The following DYNC1I1 variants were observed in gnomAD, a reference collection of about 807,000 sequenced individuals.
DYNC1I1 encodes dynein cytoplasmic 1 intermediate chain 1.
DYNC1I1 carries 43 observed loss-of-function variants against 86.6 expected under a neutral mutation model. The observed-to-expected ratio is 0.50, with a 90% CI of 0.39 to 0.64. The LOEUF (loss-of-function observed/expected upper bound fraction) is 0.64. Ranked by LOEUF, DYNC1I1 falls within the 30% of genes least tolerant of loss-of-function variation. The pLI, the probability that DYNC1I1 is intolerant of heterozygous loss-of-function variation, is 0.00. For missense variants in DYNC1I1, 604 were observed against 788.8 expected (o/e 0.77, Z 2.81); for synonymous variants, 262 against 283.7 (o/e 0.92, Z 0.77).
intron 14 of DYNC1I1, among the ~76,000 whole-genome samples, chr7:96,052,041 G>C (rs1789418680): frequency 6.6e-6 from 1 of 152,146 alleles, no homozygotes; most frequent in African/African-American, 2.4e-5. Context: ...TGAGCTCCTT[G>C]AGAGTAAGTC....
chr7:96,000,584 CTTCTT>C (rs1793985352), intron 10 of DYNC1I1, among the ~76,000 whole-genome samples: 2 of 152,180 alleles, frequency 1.3e-5, no homozygotes. Context: ...TCCCAAAACA[CTTCTT>C]TTCTGCCAAT....
intron 6 of DYNC1I1, among the ~76,000 whole-genome samples, chr7:95,895,221 CAT>C (rs1295265519): frequency 6.6e-6 from 1 of 152,154 alleles, no homozygotes; most frequent in East Asian, 1.9e-4. Flanking sequence ...CTTTTCGTCA[CAT>C]GTCACAATCC....
At chr7:96,009,618 G>C (rs1179201240) in intron 10 of DYNC1I1, among the ~76,000 whole-genome samples, 1 of 152,146 alleles carries the variant, frequency 6.6e-6, no homozygotes, top group Non-Finnish European at 1.5e-5. Context: ...TGTTGTTCCA[G>C]TAGCACCCTT....
At chr7:95,782,165 C>A (rs184109774) in intron 1 of DYNC1I1, among the ~76,000 whole-genome samples, 1 of 152,276 alleles carries the variant, frequency 6.6e-6, no homozygotes, top group African/African-American at 2.4e-5. Flanking sequence ...ACATATGACA[C>A]CTCTACTCAT....
chr7:95,929,173 C>T (rs1446380156), intron 6 of DYNC1I1, among the ~76,000 whole-genome samples: 1 of 152,106 alleles, frequency 6.6e-6, no homozygotes, highest in Non-Finnish European at 1.5e-5. Flanking sequence ...CTCTTCCATC[C>T]TGCAATGCCC....
At chr7:96,000,910 C>A (rs1162645599) in intron 10 of DYNC1I1, among the ~76,000 whole-genome samples, 3 of 152,116 alleles carry the variant, frequency 2.0e-5, no homozygotes, top group South Asian at 4.2e-4. Flanking sequence ...TGCGAGGGAC[C>A]AAGTGAGCTA....
chr7:96,105,262 A>T (rs1209380408), intron 16 of DYNC1I1, among the ~76,000 whole-genome samples: 1 of 151,982 alleles, frequency 6.6e-6, no homozygotes, highest in Non-Finnish European at 1.5e-5. Context: ...ATCTGAAAAT[A>T]ATGAAAAGTT....
chr7:95,806,924 A>G (rs770063228), intron 2 of DYNC1I1, among the ~76,000 whole-genome samples: 1 of 152,154 alleles, frequency 6.6e-6, no homozygotes, highest in Non-Finnish European at 1.5e-5. Flanking sequence ...TGAGTTGAAC[A>G]TGGCTGGGAA....
Position 96,097,654 on chromosome 7 carries a change from G to T in DYNC1I1, c.*61G>T. 1 of 1,603,916 alleles carries T rather than the reference G, an allele frequency of 6.2e-7. No individual in the cohort carries two copies. Among genetic ancestry groups the T allele is most frequent in the Non-Finnish European group, 8.5e-7 (1 of 1,174,438 alleles). ...TGTGTCCTAGAGCTCAGCGTCTGCAGTCAAGTCTCTTGTATTCGGTGTCCA... is the reference window on the plus strand; with the variant it reads ...TGTGTCCTAGAGCTCAGCGTCTGCATTCAAGTCTCTTGTATTCGGTGTCCA... On this transcript the variant is annotated 3_prime_UTR_variant, in exon 17 of 17. Coordinates refer to ENST00000447467, the MANE Select transcript of DYNC1I1 (RefSeq NM_001135556.2).
chr7:95,784,034 G>A (rs555271269), intron 1 of DYNC1I1, among the ~76,000 whole-genome samples: 2 of 152,204 alleles, frequency 1.3e-5, no homozygotes, highest in East Asian at 3.9e-4. Context: ...AATGTACCAC[G>A]TCTTGTGTGT....
intron 14 of DYNC1I1, among the ~76,000 whole-genome samples, chr7:96,073,350 G>A (rs768997018): frequency 8.6e-5 from 13 of 152,022 alleles, no homozygotes; most frequent in Non-Finnish European, 1.6e-4. Flanking sequence ...AACAATAGCA[G>A]TTATTTCCAG....
intron 10 of DYNC1I1, among the ~76,000 whole-genome samples, chr7:96,021,965 A>C (rs1186139961): frequency 6.6e-6 from 1 of 152,158 alleles, no homozygotes; most frequent in Non-Finnish European, 1.5e-5. Flanking sequence ...CGCTGTGGAC[A>C]TTAGTGCACA....
intron 6 of DYNC1I1, among the ~76,000 whole-genome samples, chr7:95,961,756 T>C (rs1185440976): frequency 2.0e-5 from 3 of 152,256 alleles, no homozygotes; most frequent in Non-Finnish European, 2.9e-5. Context: ...TGGCCAGGGC[T>C]AAAGCTGTAG....
At chr7:95,812,256 C>T (rs1238305059) in intron 3 of DYNC1I1, among the ~76,000 whole-genome samples, 4 of 152,108 alleles carry the variant, frequency 2.6e-5, no homozygotes, top group Non-Finnish European at 5.9e-5. Context: ...TCTACATTTA[C>T]GTACTGAAAT....
chr7:96,055,580 A>G (rs1195159425), intron 14 of DYNC1I1, among the ~76,000 whole-genome samples: 1 of 152,176 alleles, frequency 6.6e-6, no homozygotes, highest in East Asian at 1.9e-4. Flanking sequence ...TACTCATTCC[A>G]TATTGTGTGT....
At chr7:96,101,310 G>A (rs968473397), downstream of DYNC1I1, among the ~76,000 whole-genome samples, 1 of 152,178 alleles carries the variant, frequency 6.6e-6, no homozygotes, top group Non-Finnish European at 1.5e-5. Context: ...GGAGACTGAA[G>A]ACTGTTACCT....
intron 5 of DYNC1I1, among the ~76,000 whole-genome samples, chr7:95,833,339 T>G (rs1477704420): frequency 1.3e-5 from 2 of 150,690 alleles, no homozygotes; most frequent in East Asian, 4.0e-4. Context: ...ATCTCTGTTT[T>G]GGTGCCAGTA....
chr7:95,946,252 G>A (rs1036731186), intron 6 of DYNC1I1, among the ~76,000 whole-genome samples: 3 of 151,828 alleles, frequency 2.0e-5, no homozygotes, highest in South Asian at 2.1e-4. Context: ...ACCGTGACAC[G>A]ATTACCTATG....
intron 6 of DYNC1I1, among the ~76,000 whole-genome samples, chr7:95,950,409 C>T (rs1319847566): frequency 3.3e-5 from 5 of 152,120 alleles, no homozygotes; most frequent in Non-Finnish European, 7.3e-5. Context: ...TTTGTATTGA[C>T]CCATCCACAT....
Sources: gnomAD v4.1 joint callset for allele counts (sites outside exome capture counted in the v4.1 genomes callset) on GRCh38, gnomAD v4.1.1 for gene constraint, MANE v1.5 for transcripts, NCBI Gene and HGNC (gene_info 2026-07-23, HGNC 2026-07-21) for gene names.